Variants in CEP85L observed in about 807,000 individuals in gnomAD.
The protein encoded by CEP85L is centrosomal protein of 85 kDa-like.
Under a neutral mutation model 100.3 loss-of-function variants are expected in CEP85L, and 60 were observed. That is an observed-to-expected ratio of 0.60 (90% CI 0.49 to 0.74). The LOEUF is 0.74. Among genes scored for constraint, CEP85L ranks in the 30% least tolerant of loss-of-function variants. The probability of loss-of-function intolerance (pLI) is 0.00; values close to 1 mark genes in which losing one functional copy is unlikely to be tolerated. For missense variants in CEP85L, 973 were observed against 936.2 expected (o/e 1.04, Z -0.51); for synonymous variants, 319 against 322.7 (o/e 0.99, Z 0.12).
Position 118,463,516 on chromosome 6 carries a change from C to T in CEP85L, c.*1889G>A, listed in dbSNP as rs1312367872. Reference sequence around the variant, plus strand: ...CATAAAGGACCAAGGCAGAATTCTTCGCATCACATTTTTGGTGGAAATTTA... The same window carrying T: ...CATAAAGGACCAAGGCAGAATTCTTTGCATCACATTTTTGGTGGAAATTTA... On this transcript the variant is annotated 3_prime_UTR_variant, in exon 13 of 13. Coordinates refer to ENST00000368491, the MANE Select transcript of CEP85L (RefSeq NM_001042475.3). 6.6e-6 allele frequency: 1 copy of T among 152,012 alleles called. No individual in the cohort carries two copies. Among genetic ancestry groups the T allele is most frequent in the East Asian group, 1.9e-4 (1 of 5,196 alleles). The allele number at this position is 152,012 out of a possible 1,614,324, so 9.4% of individuals were successfully genotyped here.
At chr6:118,489,334 T>C (rs1344905937) in intron 6 of CEP85L, among the ~76,000 whole-genome samples, 1 of 149,440 alleles carries the variant, frequency 6.7e-6, no homozygotes, top group Non-Finnish European at 1.5e-5. Flanking sequence ...TGTGATATTA[T>C]AGTTGATTAC....
In CEP85L at chr6:118,566,409, G is replaced by A. The variant is rs564470825; in HGVS notation, c.233-93C>T. ...TATGCCAAAAGAAATATCTGAACAT[G>A]GTTTCATAGCACAAGCTTTTTTTTT... On this transcript the variant is annotated intron_variant, in intron 2 of 12. Coordinates refer to ENST00000368491, the MANE Select transcript of CEP85L (RefSeq NM_001042475.3). 5.6e-4 allele frequency: 612 copies of A among 1,097,660 alleles called. 7 individuals are homozygous for A. The South Asian group carries it at 9.5e-3, about 17-fold the overall frequency. The allele number at this position is 1,097,660 out of a possible 1,614,324, so 68.0% of individuals were successfully genotyped here. A position where few individuals can be genotyped will look rare whatever the true frequency, so the allele number is the denominator to read the frequency against.
At chr6:118,507,158 C>T (rs1197525837) in intron 5 of CEP85L, among the ~76,000 whole-genome samples, 1 of 152,184 alleles carries the variant, frequency 6.6e-6, no homozygotes, top group African/African-American at 2.4e-5. Context: ...GTTTAACTCA[C>T]TATTTTTCTC....
At chr6:118,618,777 A>G (rs1773242999) in intron 2 of CEP85L, among the ~76,000 whole-genome samples, 1 of 152,154 alleles carries the variant, frequency 6.6e-6, no homozygotes, top group African/African-American at 2.4e-5. Context: ...TGAGCTTACT[A>G]AGCCTCCTGT....
intron 4 of CEP85L, among the ~76,000 whole-genome samples, chr6:118,520,235 AAG>A (rs1288428601): frequency 2.6e-5 from 4 of 152,306 alleles, no homozygotes; most frequent in Admixed American, 6.5e-5. Flanking sequence ...AGGAAATAAA[AAG>A]ACTCTATACT....
chr6:118,633,515 T>C (rs528278343), intron 1 of CEP85L, among the ~76,000 whole-genome samples: 1 of 152,298 alleles, frequency 6.6e-6, no homozygotes, highest in African/African-American at 2.4e-5. Context: ...GATTTGTCCT[T>C]TTAATTTAAA....
At chr6:118,574,022 C>T (rs1205321944) in intron 2 of CEP85L, 1 of 152,222 alleles carries the variant, frequency 6.6e-6, no homozygotes, top group Non-Finnish European at 1.5e-5. Context: ...GTGTTAAGGA[C>T]AATAAGTTCT....
rs142282696 is a variant in CEP85L, at chr6:118,549,917, A to G, written c.1020+15612T>C. On this transcript the variant is annotated intron_variant, in intron 3 of 12. Coordinates refer to ENST00000368491, the MANE Select transcript of CEP85L (RefSeq NM_001042475.3). Reference sequence around the variant, plus strand: ...GTTAACAGAAATTACAGTTACAGAGACTGCTAAAATTTCAAATATAATGTG... The same window carrying G: ...GTTAACAGAAATTACAGTTACAGAGGCTGCTAAAATTTCAAATATAATGTG... Among the ~76,000 whole-genome samples the G allele has an allele frequency of 1.4e-4, 21 of 152,040 alleles. No homozygotes were observed. In the East Asian group the frequency reaches 3.7e-3, roughly 26 times the overall value.
intron 1 of CEP85L, among the ~76,000 whole-genome samples, chr6:118,697,707 T>C (rs1033740275): frequency 7.2e-5 from 11 of 152,174 alleles, no homozygotes; most frequent in African/African-American, 2.7e-4. Flanking sequence ...AGAAGAGCCA[T>C]CAGTATATGA....
intron 2 of CEP85L, among the ~76,000 whole-genome samples, chr6:118,573,103 T>A (rs1020305507): frequency 6.6e-6 from 1 of 152,090 alleles, no homozygotes; most frequent in Admixed American, 6.6e-5. Context: ...GGCCTTCCCC[T>A]AAGGGCTTAC....
chr6:118,705,934 C>T (rs968177809), intron 1 of CEP85L, among the ~76,000 whole-genome samples: 2 of 152,216 alleles, frequency 1.3e-5, no homozygotes, highest in African/African-American at 4.8e-5. Context: ...TTATGCAATG[C>T]CTGGGAGGCC....
intron 6 of CEP85L, among the ~76,000 whole-genome samples, chr6:118,486,510 T>C (rs1288056648): frequency 1.3e-5 from 2 of 152,208 alleles, no homozygotes; most frequent in African/African-American, 4.8e-5. Context: ...CAGTCTTTGA[T>C]AAGGATTACA....
intron 1 of CEP85L, among the ~76,000 whole-genome samples, chr6:118,657,988 A>C (rs1341483820): frequency 6.6e-6 from 1 of 152,162 alleles, no homozygotes; most frequent in Non-Finnish European, 1.5e-5. Context: ...TATTCCAAAG[A>C]ATTTTCAGCG....
intron 5 of CEP85L, among the ~76,000 whole-genome samples, chr6:118,506,072 T>C (rs183619300): frequency 4.4e-4 from 67 of 152,260 alleles, no homozygotes; most frequent in Non-Finnish European, 7.8e-4. Context: ...TTAATAAATT[T>C]TTAAAAAGTT....
chr6:118,693,823 T>C (rs1052027118), intron 1 of CEP85L, among the ~76,000 whole-genome samples: 10 of 152,202 alleles, frequency 6.6e-5, no homozygotes, highest in African/African-American at 9.6e-5. Context: ...ACATTGCTGC[T>C]ACAGTCACAA....
chr6:118,660,560 T>C (rs1775937571), intron 1 of CEP85L, among the ~76,000 whole-genome samples: 1 of 152,256 alleles, frequency 6.6e-6, no homozygotes, highest in South Asian at 2.1e-4. Flanking sequence ...AACTTTCCCA[T>C]TGGAATAAAA....
rs536691722 is a variant in CEP85L, at chr6:118,564,304, G to A, written c.1020+1225C>T. On this transcript the variant is annotated intron_variant, in intron 3 of 12. Transcript: ENST00000368491. ...CCCCACTGGACAGCTCCAATTCTGT[G>A]TAAAGACACCAGCTGGAGAAACAAC... 1.4e-4 allele frequency among the ~76,000 whole-genome samples: 22 copies of A among 152,296 alleles called. No homozygotes were observed. The South Asian group carries it at 4.4e-3, about 30-fold the overall frequency.
chr6:118,472,397 G>T (rs188245170), intron 10 of CEP85L, among the ~76,000 whole-genome samples: 18 of 152,246 alleles, frequency 1.2e-4, no homozygotes, highest in African/African-American at 4.3e-4. Context: ...ATAGGTAAAA[G>T]ACATTGCAGA....
At chr6:118,687,984 T>C (rs1776892716) in intron 1 of CEP85L, among the ~76,000 whole-genome samples, 1 of 152,146 alleles carries the variant, frequency 6.6e-6, no homozygotes, top group Non-Finnish European at 1.5e-5. Flanking sequence ...GATAGAGCTA[T>C]AACACTCACC....
Sources: allele counts gnomAD v4.1 joint callset (sites outside exome capture counted in the v4.1 genomes callset), GRCh38; gene constraint gnomAD v4.1.1; transcripts MANE v1.5; gene names NCBI Gene and HGNC (gene_info 2026-07-23, HGNC 2026-07-21).